LPCAT1: variants seen among roughly 807,000 people sequenced by gnomAD.
LPCAT1 encodes lysophosphatidylcholine acyltransferase 1, also known as 1-acylglycerol-3-phosphate O-acyltransferase.
A neutral mutation model predicts 60.9 loss-of-function variants in LPCAT1; 23 were observed. The observed-to-expected ratio is 0.38, with a 90% confidence interval of 0.27 to 0.53. The LOEUF (loss-of-function observed/expected upper bound fraction) is 0.53. Among genes scored for constraint, LPCAT1 ranks in the 20% least tolerant of loss-of-function variants. The pLI is 0.82. For synonymous variants in LPCAT1, 340 were observed against 301.1 expected (o/e 1.13, Z -1.34); for missense variants, 622 against 723.6 (o/e 0.86, Z 1.61).
intron 1 of LPCAT1, among the ~76,000 whole-genome samples, chr5:1,509,592 G>A (rs562485657): frequency 2.7e-4 from 41 of 152,236 alleles, no homozygotes; most frequent in Admixed American, 1.4e-3. Flanking sequence ...AGGGAGCTTC[G>A]GGAATCACCC....
intron 2 of LPCAT1, among the ~76,000 whole-genome samples, chr5:1,498,048 C>T (rs1351352886): frequency 6.6e-5 from 10 of 152,308 alleles, no homozygotes; most frequent in African/African-American, 2.4e-4. Flanking sequence ...CACTGAAAGC[C>T]TAAGATTTTT....
At position 1,461,791 on chromosome 5, in the gene LPCAT1, A is replaced by G. The variant is rs1295565428; in HGVS notation, c.*1860T>C. On this transcript the variant is annotated 3_prime_UTR_variant, in exon 14 of 14. Transcript: ENST00000283415. Reference sequence around the variant, plus strand: ...AAACCCTTCATCTGCAGACCTGCGGAAGGGAGGTGGCCTGGGTCCCTTCCC... The same window carrying G: ...AAACCCTTCATCTGCAGACCTGCGGGAGGGAGGTGGCCTGGGTCCCTTCCC... 1.3e-5 allele frequency: 2 copies of G among 152,630 alleles called. No individual in the cohort carries two copies. Among genetic ancestry groups the G allele is most frequent in the African/African-American group, 2.4e-5 (1 of 41,452 alleles). The allele number at this position is 152,630 out of a possible 1,614,324, so 9.5% of individuals were successfully genotyped here.
At chr5:1,474,777 G>C in intron 9 of LPCAT1, 92 bp from the exon 10 acceptor site, 1 of 1,466,316 alleles carries the variant, frequency 6.8e-7, no homozygotes, top group Non-Finnish European at 9.1e-7. Context: ...TCAGGGGAGA[G>C]GAGGGCTGAG....
At chr5:1,498,574 C>T (rs953889548) in intron 2 of LPCAT1, among the ~76,000 whole-genome samples, 1 of 152,174 alleles carries the variant, frequency 6.6e-6, no homozygotes, top group African/African-American at 2.4e-5. Context: ...TACTCTCATA[C>T]ACATATGTAC....
intron 1 of LPCAT1, among the ~76,000 whole-genome samples, chr5:1,515,674 T>G (rs1736487698): frequency 7.2e-6 from 1 of 138,744 alleles, no homozygotes; most frequent in Non-Finnish European, 1.6e-5. Flanking sequence ...TCCCACCCAC[T>G]TAGCTGCAGG....
At chr5:1,466,990 C>A in intron 12 of LPCAT1, 100 bp from the exon 13 acceptor site, 1 of 1,277,702 alleles carries the variant, frequency 7.8e-7, no homozygotes, top group Non-Finnish European at 1.0e-6. Context: ...TTTGTCAGAG[C>A]TGCTGGGCAC....
chr5:1,501,402 C>A, intron 2 of LPCAT1, 59 bp downstream of exon 2: 1 of 1,546,578 alleles, frequency 6.5e-7, no homozygotes. Flanking sequence ...GAATGGGTTC[C>A]CACTGTTTGG....
At chr5:1,467,039 C>T in intron 12 of LPCAT1, 149 bp from the exon 13 acceptor site, 1 of 723,070 alleles carries the variant, frequency 1.4e-6, no homozygotes, top group African/African-American at 1.8e-5. Flanking sequence ...ACTCGAACTT[C>T]CATGTGGAGC....
At chr5:1,484,046 G>A (rs1043242328) in intron 5 of LPCAT1, among the ~76,000 whole-genome samples, 6 of 152,182 alleles carry the variant, frequency 3.9e-5, no homozygotes, top group South Asian at 2.1e-4. Flanking sequence ...CACCTGCCTC[G>A]GGGCCCCACC....
chr5:1,470,841 G>A lies in LPCAT1; in HGVS notation c.1263C>T (p.Ile421=). The change falls in exon 12 of 14, where the codon ATC becomes ATT. Residue 421 remains isoleucine (I), a synonymous_variant. Coordinates refer to ENST00000283415, the MANE Select transcript of LPCAT1 (RefSeq NM_024830.5). ...CTGCACTCACCTTGAAAGCCAGCTG[G>A]ATGGTGTCCAGGGTCCGGGCCGGCC... The part of the protein sequence containing the change: ...VCRPARTLDT[I]QLAFKMYGAQ... 1 of 1,613,760 alleles carries A rather than the reference G, an allele frequency of 6.2e-7. No individual in the cohort carries two copies. Among genetic ancestry groups the A allele is most frequent in the Non-Finnish European group, 8.5e-7 (1 of 1,179,970 alleles).
At chr5:1,498,884 C>T (rs1202934579) in intron 2 of LPCAT1, among the ~76,000 whole-genome samples, 1 of 152,196 alleles carries the variant, frequency 6.6e-6, no homozygotes, top group South Asian at 2.1e-4. Context: ...TACCTACTCC[C>T]GTGCATGCAC....
intron 1 of LPCAT1, among the ~76,000 whole-genome samples, chr5:1,511,679 T>C (rs1309971501): frequency 6.6e-6 from 1 of 152,186 alleles, no homozygotes; most frequent in African/African-American, 2.4e-5. Flanking sequence ...ATTCCTCTCT[T>C]GAACACAGAG....
chr5:1,514,818 C>CA (rs1736457358), intron 1 of LPCAT1, among the ~76,000 whole-genome samples: 3 of 152,134 alleles, frequency 2.0e-5, no homozygotes, highest in African/African-American at 2.4e-5. Flanking sequence ...CACCTCCAGC[C>CA]AAAACAGGAC....
At position 1,489,685 on chromosome 5, in the gene LPCAT1, C is replaced by G. The variant is rs889977940; in HGVS notation, c.606+61G>C. On this transcript the variant is annotated intron_variant, in intron 4 of 13. Transcript: ENST00000283415. ...GGGCCCCAGTTTCTTTCTCCCCACT[C>G]GCGAAGTTCGCATCTTTCGGAATAA... 5.6e-6 allele frequency: 7 copies of G among 1,244,084 alleles called. No individual in the cohort carries two copies. The East Asian group carries it at 1.4e-4, about 25-fold the overall frequency. The allele number at this position is 1,244,084 out of a possible 1,614,324, so 77.1% of individuals were successfully genotyped here.
At position 1,502,411 on chromosome 5, in the gene LPCAT1, G is replaced by A. The variant is rs1249351916; in HGVS notation, c.136-808C>T. ...CTGCAGTTTGCAAGGTTGGACCTCA[G>A]ACCACAGAGAAGACGGCAGAATGAA... On this transcript the variant is annotated intron_variant, in intron 1 of 13. Coordinates refer to ENST00000283415, the MANE Select transcript of LPCAT1 (RefSeq NM_024830.5). This position sits in a 1 kb window ranked among gnomAD's most constrained non-coding sequence, Gnocchi z 5.5. Among the ~76,000 whole-genome samples the A allele has an allele frequency of 7.9e-5, 12 of 152,214 alleles. No homozygotes were observed. Among genetic ancestry groups the A allele is most frequent in the Non-Finnish European group, 1.5e-4 (10 of 68,036 alleles).
Position 1,483,229 on chromosome 5 carries a change from G to A in LPCAT1, c.726+199C>T, listed in dbSNP as rs530929440. On this transcript the variant is annotated intron_variant, in intron 6 of 13. Transcript: ENST00000283415. This position sits in a 1 kb window ranked among gnomAD's most constrained non-coding sequence, Gnocchi z 9.2. The stretch of plus-strand genomic sequence containing the variant: ...ACGTGCATAGAACAGGCCGCACTCA[G>A]GAACGTGCCGAGCCCAGGGCCCGGG... Among the ~76,000 whole-genome samples, 2 of 152,276 alleles carry A rather than the reference G, an allele frequency of 1.3e-5. No individual in the cohort carries two copies. The highest frequency in any genetic ancestry group is 1.3e-4 in the Admixed American group (2 of 15,306).
At chr5:1,519,584 G>T (rs777132501) in intron 1 of LPCAT1, among the ~76,000 whole-genome samples, 3 of 152,170 alleles carry the variant, frequency 2.0e-5, no homozygotes, top group Non-Finnish European at 2.9e-5. Flanking sequence ...TGAGGTGAGG[G>T]CAGGCATCCA....
intron 12 of LPCAT1, among the ~76,000 whole-genome samples, chr5:1,468,032 G>A (rs1365496820): frequency 6.6e-6 from 1 of 152,098 alleles, no homozygotes; most frequent in African/African-American, 2.4e-5. Context: ...CCTCTCTTCA[G>A]GGAGGGGCTG....
Position 1,495,373 on chromosome 5 carries a change from G to T in LPCAT1, c.279-459C>A, listed in dbSNP as rs1415042905. Among the ~76,000 whole-genome samples the T allele has an allele frequency of 6.6e-6, 1 of 151,814 alleles. No homozygotes were observed. The highest frequency in any genetic ancestry group is 2.4e-5 in the African/African-American group (1 of 41,286). ...GAGCTGAGGGCGGAAGCTGAGACCT[G>T]CGTGCGAACTTCCCCATCTCATCTC... On this transcript the variant is annotated intron_variant, in intron 2 of 13. Transcript: ENST00000283415. This position sits in a 1 kb window ranked among gnomAD's most constrained non-coding sequence, Gnocchi z 4.7.
Sources: allele counts gnomAD v4.1 joint callset (sites outside exome capture counted in the v4.1 genomes callset), GRCh38; gene constraint gnomAD v4.1.1; non-coding constraint Gnocchi (gnomAD v3.1); transcripts MANE v1.5; gene names NCBI Gene and HGNC (gene_info 2026-07-23, HGNC 2026-07-21).